Variants in KIF26B observed in about 807,000 individuals in gnomAD.
The protein encoded by KIF26B is kinesin-like protein KIF26B.
KIF26B carries 63 observed loss-of-function variants against 151.2 expected under a neutral mutation model. The observed-to-expected ratio is 0.42, with a 90% confidence interval of 0.34 to 0.51. KIF26B has a LOEUF of 0.51. Ranked by LOEUF, KIF26B falls within the 20% of genes least tolerant of loss-of-function variation. KIF26B has a pLI of 0.07. For missense variants in KIF26B, 2,813 were observed against 2,913.6 expected (o/e 0.97, Z 0.79); for synonymous variants, 1,357 against 1,262.1 (o/e 1.08, Z -1.59).
intron 4 of KIF26B, among the ~76,000 whole-genome samples, chr1:245,529,218 C>T (rs977675798): frequency 6.6e-6 from 1 of 152,066 alleles, no homozygotes; most frequent in African/African-American, 2.4e-5. Context: ...TGTGGGGCAG[C>T]GGGGTACTGA....
chr1:245,352,055 C>T lies in KIF26B; in HGVS notation c.466-14779C>T, dbSNP rs779714596. On this transcript the variant is annotated intron_variant, in intron 2 of 14. Transcript: ENST00000407071. The surrounding 1 kb of genome is among the most constrained non-coding windows in gnomAD (Gnocchi z 5.0). ...GAGATTTGAAAGTTTTAGAATGTGGCTGTGTGTGTGAGAGAGATCGTCCCT... is the reference window on the plus strand; with the variant it reads ...GAGATTTGAAAGTTTTAGAATGTGGTTGTGTGTGTGAGAGAGATCGTCCCT... Among the ~76,000 whole-genome samples the T allele has an allele frequency of 2.6e-5, 4 of 152,138 alleles. No homozygotes were observed. The highest frequency in any genetic ancestry group is 2.1e-4 in the South Asian group (1 of 4,814).
intron 5 of KIF26B, among the ~76,000 whole-genome samples, chr1:245,595,579 A>AT: frequency 6.6e-6 from 1 of 152,004 alleles, no homozygotes; most frequent in South Asian, 2.1e-4. Context: ...TTTATTGAGG[A>AT]TTTTCACATC....
Position 245,184,047 on chromosome 1 carries a change from G to GTTTTTTTTTTTTTTTTTTTTTTTTTT in KIF26B, c.465+27366_465+27367insTTTTTTTTTTTTTTTTTTTTTTTTTT, listed in dbSNP as rs1469137088. 7.6e-3 allele frequency among the ~76,000 whole-genome samples: 70 copies of GTTTTTTTTTTTTTTTTTTTTTTTTTT among 9,224 alleles called. 2 individuals carry two copies. Among genetic ancestry groups the GTTTTTTTTTTTTTTTTTTTTTTTTTT allele is most frequent in the Non-Finnish European group, 9.8e-3 (44 of 4,496 alleles). The allele number at this position is 9,224 out of a possible 152,430, so 6.1% of individuals were successfully genotyped here. ...CCTGCAACAGGTATGGGTGGGAGTT[G>GTTTTTTTTTTTTTTTTTTTTTTTTTT]TTGTTTTTTTTTTTTTTTTTTTGAG... On this transcript the variant is annotated intron_variant, in intron 2 of 14. Coordinates refer to ENST00000407071, the MANE Select transcript of KIF26B (RefSeq NM_018012.4).
At chr1:245,681,174 G>A (rs1057119529) in intron 10 of KIF26B, among the ~76,000 whole-genome samples, 10 of 151,606 alleles carry the variant, frequency 6.6e-5, no homozygotes, top group Non-Finnish European at 1.0e-4. Context: ...ATGTCACCAC[G>A]TTACATCCTT....
In KIF26B at chr1:245,290,865, G is replaced by A. The variant is rs1033194176; in HGVS notation, c.466-75969G>A. On this transcript the variant is annotated intron_variant, in intron 2 of 14. Transcript: ENST00000407071. The stretch of plus-strand genomic sequence containing the variant: ...CTGCAAAACTTAGTGTCTTAAAACA[G>A]CAGCTATTTAGCCATGATTCTGCAG... Among the ~76,000 whole-genome samples, 45 of 152,334 alleles carry A rather than the reference G, an allele frequency of 3.0e-4. No homozygotes were observed. In the Middle Eastern group the frequency reaches 0.017, roughly 58 times the overall value.
At chr1:245,260,661 G>A (rs950115157) in intron 2 of KIF26B, among the ~76,000 whole-genome samples, 8 of 152,216 alleles carry the variant, frequency 5.3e-5, no homozygotes, top group Non-Finnish European at 1.5e-5. Flanking sequence ...GAAGAGGGAA[G>A]TACTTCTCAC....
chr1:245,203,158 A>T lies in KIF26B; in HGVS notation c.465+46475A>T, dbSNP rs143323959. The stretch of plus-strand genomic sequence containing the variant: ...TCTACTTGGGAGGCTGAGGCAGGAG[A>T]ATAGCTTGAACCTGGGAGGCAGAGG... On this transcript the variant is annotated intron_variant, in intron 2 of 14. Coordinates refer to ENST00000407071, the MANE Select transcript of KIF26B (RefSeq NM_018012.4). 5.3e-3 allele frequency among the ~76,000 whole-genome samples: 797 copies of T among 149,978 alleles called. 30 individuals carry two copies. The East Asian group carries it at 0.13, about 24-fold the overall frequency.
chr1:245,266,747 C>T (rs546782826), intron 2 of KIF26B, among the ~76,000 whole-genome samples: 1 of 152,168 alleles, frequency 6.6e-6, no homozygotes, highest in East Asian at 1.9e-4. Flanking sequence ...CCTTGTGATC[C>T]ACCTGCCTTG....
rs935742078 is a variant in KIF26B at position 245,488,773 on chromosome 1, T to C, written c.1167-51994T>C. 2.0e-5 allele frequency among the ~76,000 whole-genome samples: 3 copies of C among 152,202 alleles called. No homozygotes were observed. The highest frequency in any genetic ancestry group is 7.2e-5 in the African/African-American group (3 of 41,462). On this transcript the variant is annotated intron_variant, in intron 4 of 14. Coordinates refer to ENST00000407071, the MANE Select transcript of KIF26B (RefSeq NM_018012.4). The surrounding 1 kb of genome is among the most constrained non-coding windows in gnomAD (Gnocchi z 4.6). ...GCACTGAAGGGCTGCTTCATTTGCA[T>C]TTCAGACACTAAAATCAGAGGGCAG... is the stretch of plus-strand genomic sequence containing the variant.
intron 2 of KIF26B, among the ~76,000 whole-genome samples, chr1:245,158,340 C>A (rs191824043): frequency 6.6e-6 from 1 of 152,172 alleles, no homozygotes; most frequent in Admixed American, 6.5e-5. Context: ...GAAACTCATA[C>A]GCATCCATCA....
chr1:245,392,143 G>A (rs1452005443), intron 3 of KIF26B, among the ~76,000 whole-genome samples: 3 of 151,968 alleles, frequency 2.0e-5, no homozygotes, highest in Non-Finnish European at 4.4e-5. Context: ...ATTATGAAGA[G>A]CTCCTGAAAC....
chr1:245,684,585 G>A (rs2044485208), intron 11 of KIF26B, among the ~76,000 whole-genome samples, 190 bp downstream of exon 11: 2 of 152,216 alleles, frequency 1.3e-5, no homozygotes, highest in South Asian at 4.1e-4. Flanking sequence ...ACAAAGTCAT[G>A]TCACCTCCCC....
intron 2 of KIF26B, among the ~76,000 whole-genome samples, chr1:245,251,093 C>T (rs977387868): frequency 6.6e-6 from 1 of 152,156 alleles, no homozygotes; most frequent in Non-Finnish European, 1.5e-5. Flanking sequence ...GTGTGTCTAC[C>T]AGGAAAGCTC....
In KIF26B at chr1:245,684,391, C is replaced by T. The variant is rs200712901; in HGVS notation, c.2417C>T (p.Thr806Met). ...GTCTTGAGGATGAAGAAAAAGAAGACGAAGGTAAGGAGCTCGCGGGGTGGG... is the reference window on the plus strand; with the variant it reads ...GTCTTGAGGATGAAGAAAAAGAAGATGAAGGTAAGGAGCTCGCGGGGTGGG... ...SRVLRMKKKK[T>M]KYTSSSSGGE... Residue 806 changes from threonine (T) to methionine (M), a missense_variant, in exon 11 of 15, where the codon ACG (threonine) becomes ATG (methionine). Physicochemically the swap from Thr to Met is moderately conservative, Grantham distance 81. Transcript: ENST00000407071. The T allele has an allele frequency of 2.1e-4, 340 of 1,604,030 alleles. 1 individual carries two copies. The Admixed American group carries it at 2.1e-3, about 10-fold the overall frequency.
intron 10 of KIF26B, among the ~76,000 whole-genome samples, chr1:245,663,737 G>T (rs1273949419): frequency 3.9e-5 from 6 of 152,062 alleles, no homozygotes; most frequent in Admixed American, 3.9e-4. Context: ...GTGCAAACCT[G>T]CATGTAATTC....
chr1:245,406,081 A>G (rs1674128845), intron 3 of KIF26B, among the ~76,000 whole-genome samples: 1 of 152,206 alleles, frequency 6.6e-6, no homozygotes, highest in Admixed American at 6.5e-5. Flanking sequence ...GAATATCTGT[A>G]AATGGTCCTG....
chr1:245,608,749 T>G (rs1325952489), intron 7 of KIF26B, among the ~76,000 whole-genome samples: 1 of 151,988 alleles, frequency 6.6e-6, no homozygotes, highest in Non-Finnish European at 1.5e-5. Flanking sequence ...ATGTCTGGGC[T>G]CTTGCTTTGT....
intron 2 of KIF26B, among the ~76,000 whole-genome samples, chr1:245,237,760 A>G (rs992745443): frequency 6.6e-6 from 1 of 152,134 alleles, no homozygotes; most frequent in Non-Finnish European, 1.5e-5. Flanking sequence ...AGTGTTCCAC[A>G]CCTGTAATCC....
intron 5 of KIF26B, among the ~76,000 whole-genome samples, chr1:245,543,677 C>T (rs962921613): frequency 1.9e-4 from 29 of 152,104 alleles, no homozygotes; most frequent in Non-Finnish European, 3.7e-4. Flanking sequence ...TGGCTGGGCG[C>T]GGTGGCTCAC....
Sources: gnomAD v4.1 joint callset for allele counts (sites outside exome capture counted in the v4.1 genomes callset) on GRCh38, gnomAD v4.1.1 for gene constraint, Gnocchi (gnomAD v3.1) non-coding constraint, MANE v1.5 for transcripts, NCBI Gene and HGNC (gene_info 2026-07-23, HGNC 2026-07-21) for gene names.